Variants in VTCN1 observed in about 807,000 individuals in gnomAD.
VTCN1 encodes V-set domain-containing T-cell activation inhibitor 1.
VTCN1 carries 26 observed loss-of-function variants against 26.5 expected under a neutral mutation model. The observed-to-expected ratio is 0.98, with a 90% confidence interval of 0.72 to 1.36. VTCN1 has a LOEUF of 1.36. Among genes scored for constraint, VTCN1 ranks in the 40% most tolerant of loss-of-function variants. The probability of loss-of-function intolerance (pLI) is 0.00; values close to 1 mark genes in which losing one functional copy is unlikely to be tolerated. For synonymous variants in VTCN1, 116 were observed against 130.7 expected (o/e 0.89, Z 0.77); for missense variants, 298 against 337.7 (o/e 0.88, Z 0.92).
intron 1 of VTCN1, chr1:117,173,285 A>G: frequency 1.5e-6 from 1 of 665,228 alleles, no homozygotes; most frequent in Non-Finnish European, 2.8e-6. Context: ...AGTTAAGGTC[A>G]TACCAGAGTA....
intron 1 of VTCN1, among the ~76,000 whole-genome samples, chr1:117,177,695 C>T (rs180862241): frequency 3.8e-4 from 58 of 152,152 alleles, no homozygotes; most frequent in African/African-American, 1.4e-3. Flanking sequence ...AATCACAGCA[C>T]AGTTTAGTGG....
chr1:117,172,682 C>T (rs1652983336), intron 1 of VTCN1, among the ~76,000 whole-genome samples: 1 of 152,184 alleles, frequency 6.6e-6, no homozygotes, highest in African/African-American at 2.4e-5. Context: ...CCCCAAGTAC[C>T]TCAGAGTGTG....
chr1:117,163,809 CAACT>C (rs1306181086), intron 2 of VTCN1, among the ~76,000 whole-genome samples: 1 of 152,156 alleles, frequency 6.6e-6, no homozygotes, highest in African/African-American at 2.4e-5. Context: ...AAAATCAAAA[CAACT>C]AAAAACCACA....
intron 1 of VTCN1, 141 bp downstream of exon 1, chr1:117,210,683 C>G: frequency 2.3e-6 from 2 of 873,668 alleles, no homozygotes; most frequent in Non-Finnish European, 3.7e-6. Context: ...CTTGTCTGGC[C>G]AGGCTCCCGC....
At chr1:117,184,577 G>A (rs977694290) in intron 1 of VTCN1, among the ~76,000 whole-genome samples, 4 of 152,172 alleles carry the variant, frequency 2.6e-5, no homozygotes, top group Non-Finnish European at 4.4e-5. Flanking sequence ...TCAGTGGGCA[G>A]TACTACCATC....
At chr1:117,176,368 G>A (rs1235127392) in intron 1 of VTCN1, among the ~76,000 whole-genome samples, 1 of 152,186 alleles carries the variant, frequency 6.6e-6, no homozygotes, top group African/African-American at 2.4e-5. Context: ...AGAAAAAGTG[G>A]CAGGAGGCCT....
chr1:117,182,411 T>G (rs547206635), intron 1 of VTCN1, among the ~76,000 whole-genome samples: 1 of 152,308 alleles, frequency 6.6e-6, no homozygotes, highest in East Asian at 1.9e-4. Flanking sequence ...GGTGTAGCTA[T>G]GTAGAGCTTG....
At chr1:117,170,031 C>A in intron 2 of VTCN1, 76 bp downstream of exon 2, 1 of 1,386,078 alleles carries the variant, frequency 7.2e-7, no homozygotes, top group Non-Finnish European at 1.0e-6. Context: ...GGGCTCTTTC[C>A]ATGCTAACGC....
At chr1:117,172,793 TGCACCAATCAGCACTCTGTAA>T in intron 1 of VTCN1, among the ~76,000 whole-genome samples, 1 of 32,260 alleles carries the variant, frequency 3.1e-5, no homozygotes, top group South Asian at 1.8e-3. Flanking sequence ...GGATTGTAAA[TGCACCAATCAGCACTCTGTAA>T]AAATGCACCA....
intron 1 of VTCN1, among the ~76,000 whole-genome samples, chr1:117,187,251 C>A (rs918287508): frequency 7.8e-6 from 1 of 127,772 alleles, no homozygotes; most frequent in Non-Finnish European, 1.5e-5. Context: ...GCAGAGGTTG[C>A]AGTGAGCTAG....
chr1:117,204,872 AAG>A (rs1402366495), intron 1 of VTCN1, among the ~76,000 whole-genome samples: 4 of 151,756 alleles, frequency 2.6e-5, no homozygotes, highest in Non-Finnish European at 5.9e-5. Context: ...TCTCACAAAA[AAG>A]AAAAAAGAAA....
intron 1 of VTCN1, among the ~76,000 whole-genome samples, chr1:117,202,519 T>C (rs751988012): frequency 2.6e-5 from 4 of 152,178 alleles, no homozygotes; most frequent in Non-Finnish European, 5.9e-5. Context: ...TGGAGGTGAT[T>C]AGAGGCACTG....
chr1:117,156,434 A>G, intron 3 of VTCN1, 140 bp downstream of exon 3: 1 of 963,316 alleles, frequency 1.0e-6, no homozygotes, highest in Non-Finnish European at 1.5e-6. Context: ...TCTTGGCCAT[A>G]AAATGGCAAA....
In VTCN1 at chr1:117,175,118, A is replaced by T. The variant is rs377243809; in HGVS notation, c.33-4947T>A. Among the ~76,000 whole-genome samples, 5 of 152,322 alleles carry T rather than the reference A, an allele frequency of 3.3e-5. No individual in the cohort carries two copies. The South Asian group carries it at 8.3e-4, about 25-fold the overall frequency. On this transcript the variant is annotated intron_variant, in intron 1 of 5. Coordinates refer to ENST00000369458, the MANE Select transcript of VTCN1 (RefSeq NM_024626.4). This position sits in a 1 kb window ranked among gnomAD's most constrained non-coding sequence, Gnocchi z 4.2. ...GCTGCCTTCTGCAGCATGTGAAAGA[A>T]ATTGGGCCTTTGTTAAAACATATGC...
chr1:117,189,851 C>T (rs1409432012), intron 1 of VTCN1, among the ~76,000 whole-genome samples: 1 of 152,096 alleles, frequency 6.6e-6, no homozygotes, highest in East Asian at 1.9e-4. Context: ...ATACCAGTGC[C>T]TTTGTGGGAG....
At chr1:117,199,738 C>A (rs938538445) in intron 1 of VTCN1, among the ~76,000 whole-genome samples, 3 of 150,680 alleles carry the variant, frequency 2.0e-5, no homozygotes, top group African/African-American at 7.3e-5. Context: ...TGGGTTCAAG[C>A]GATTCTCCTG....
chr1:117,181,034 G>A (rs769676369), intron 1 of VTCN1, among the ~76,000 whole-genome samples: 4 of 152,186 alleles, frequency 2.6e-5, no homozygotes, highest in African/African-American at 4.8e-5. Flanking sequence ...GATTCAACAC[G>A]ACTTTTTCCA....
chr1:117,196,401 TATAGAGAG>T (rs1329832929), intron 1 of VTCN1, among the ~76,000 whole-genome samples: 6 of 147,946 alleles, frequency 4.1e-5, no homozygotes, highest in African/African-American at 1.5e-4. Context: ...TATATATATA[TATAGAGAG>T]AGAGAGAGAG....
At chr1:117,210,710 C>T (rs1263560390) in intron 1 of VTCN1, 114 bp downstream of exon 1, 10 of 1,142,688 alleles carry the variant, frequency 8.8e-6, no homozygotes, top group Non-Finnish European at 1.3e-5. Context: ...AATGCTGGAT[C>T]AGATAAAATT....
Sources: gnomAD v4.1 joint callset for allele counts (sites outside exome capture counted in the v4.1 genomes callset) on GRCh38, gnomAD v4.1.1 for gene constraint, Gnocchi (gnomAD v3.1) non-coding constraint, MANE v1.5 for transcripts, NCBI Gene and HGNC (gene_info 2026-07-23, HGNC 2026-07-21) for gene names.